The following FBN1 variants were observed in gnomAD, a reference collection of about 807,000 sequenced individuals.
FBN1 encodes fibrillin-1.
A neutral mutation model predicts 365.1 loss-of-function variants in FBN1; 29 were observed. The ratio of observed to expected loss-of-function variants is 0.08; its 90% confidence interval spans 0.06 to 0.11. The LOEUF (loss-of-function observed/expected upper bound fraction) is 0.11. FBN1 is among the 10% of genes least tolerant of loss of function. FBN1 has a pLI of 1.00. For synonymous variants in FBN1, 1,210 were observed against 1,270.5 expected (o/e 0.95, Z 1.01); for missense variants, 2,476 against 3,703.2 (o/e 0.67, Z 8.60).
intron 6 of FBN1, among the ~76,000 whole-genome samples, chr15:48,539,769 C>T (rs2044043091): frequency 6.6e-6 from 1 of 152,042 alleles, no homozygotes; most frequent in Admixed American, 6.6e-5. Flanking sequence ...GCCCTGTCTC[C>T]TGACACTTTC....
In FBN1 at chr15:48,468,960, C is replaced by T. The variant is rs1026183549; in HGVS notation, c.4460-426G>A. On this transcript the variant is annotated intron_variant, in intron 36 of 65. Coordinates refer to ENST00000316623, the MANE Select transcript of FBN1 (RefSeq NM_000138.5). ...GTGGGTGCCTGTAGTCCCAGCTACT[C>T]GGGAGGCTGAGGCAGGAGAATGGCA... is the stretch of plus-strand genomic sequence containing the variant. 4.6e-5 allele frequency among the ~76,000 whole-genome samples: 7 copies of T among 150,822 alleles called. No individual in the cohort carries two copies. The East Asian group carries it at 9.8e-4, about 21-fold the overall frequency.
Position 48,534,192 on chromosome 15 carries a change from G to A in FBN1, c.750C>T (p.Cys250=). 1 of 1,612,530 alleles carries A rather than the reference G, an allele frequency of 6.2e-7. No individual in the cohort carries two copies. The highest frequency in any genetic ancestry group is 1.1e-5 in the South Asian group (1 of 91,014). The stretch of plus-strand genomic sequence containing the variant: ...CCTGACAGAGCCCGGGGATGGCCTG[G>A]CATTCATCCACATCTGTCAGATTAC... The part of the protein sequence containing the change: ...RTGACQDVDE[C]QAIPGLCQGG... Residue 250 remains cysteine, a synonymous_variant, in exon 8 of 66, where the codon TGC becomes TGT. Coordinates refer to ENST00000316623, the MANE Select transcript of FBN1 (RefSeq NM_000138.5).
chr15:48,531,600 T>G (rs999135669), intron 8 of FBN1, among the ~76,000 whole-genome samples: 1 of 152,190 alleles, frequency 6.6e-6, no homozygotes, highest in Non-Finnish European at 1.5e-5. Flanking sequence ...ATTCAGTGAT[T>G]ACGGGCCAGA....
intron 44 of FBN1, among the ~76,000 whole-genome samples, chr15:48,454,168 C>T (rs537096999): frequency 6.6e-6 from 1 of 152,320 alleles, no homozygotes; most frequent in South Asian, 2.1e-4. Context: ...TCTGACTTGG[C>T]ATGTCTGGAA....
Position 48,621,475 on chromosome 15 carries a change from G to T in FBN1, c.165-8383C>A, listed in dbSNP as rs192840305. ...AAAAACATCAAATAATTCCACTAAG[G>T]GCCATTCTACAAAATATCTGACCAG... On this transcript the variant is annotated intron_variant, in intron 2 of 65. Coordinates refer to ENST00000316623, the MANE Select transcript of FBN1 (RefSeq NM_000138.5). Among the ~76,000 whole-genome samples, 50 of 152,050 alleles carry T rather than the reference G, an allele frequency of 3.3e-4. No individual in the cohort carries two copies. In the South Asian group the frequency reaches 4.8e-3, roughly 15 times the overall value.
intron 7 of FBN1, among the ~76,000 whole-genome samples, chr15:48,536,328 A>G (rs1185124000): frequency 6.6e-6 from 1 of 152,320 alleles, no homozygotes; most frequent in East Asian, 1.9e-4. Context: ...AGCTAAAGAG[A>G]AGGCAGTTCA....
intron 6 of FBN1, among the ~76,000 whole-genome samples, chr15:48,541,674 AT>A (rs1318342406): frequency 6.6e-6 from 1 of 151,484 alleles, no homozygotes; most frequent in Non-Finnish European, 1.5e-5. Context: ...TAATCCAATT[AT>A]TTACAATTAT....
rs1255311177 is a variant in FBN1, at chr15:48,516,472, C to T, written c.1148-110G>A. 1.1e-5 allele frequency: 13 copies of T among 1,171,932 alleles called. No homozygotes were observed. In the African/African-American group the frequency reaches 2.0e-4, roughly 18 times the overall value. 72.6% of individuals were successfully genotyped at this position (1,171,932 alleles called of 1,614,324 possible). A position where few individuals can be genotyped will look rare whatever the true frequency, so the allele number is the denominator to read the frequency against. On this transcript the variant is annotated intron_variant, in intron 10 of 65. Coordinates refer to ENST00000316623, the MANE Select transcript of FBN1 (RefSeq NM_000138.5). ...AAGATATTTTTGAATAAAATTGATC[C>T]TCAAAATTCACAGGTCAACTGGAGA...
intron 11 of FBN1, 135 bp from the exon 12 acceptor site, chr15:48,515,662 C>T (rs1381955322): frequency 1.7e-6 from 2 of 1,158,426 alleles, no homozygotes; most frequent in Admixed American, 1.8e-5. Context: ...CGTCTGGTGA[C>T]AACAGAGCAT....
chr15:48,429,082 A>G lies in FBN1; in HGVS notation c.6872-611T>C, dbSNP rs570696240. Among the ~76,000 whole-genome samples, 7 of 141,262 alleles carry G rather than the reference A, an allele frequency of 5.0e-5. No homozygotes were observed. The East Asian group carries it at 1.4e-3, about 27-fold the overall frequency. 92.7% of individuals were successfully genotyped at this position (141,262 alleles called of 152,430 possible). ...GATAGCATTTTATATACTTAAACAT[A>G]GATGGTAGCATTTTATGCACACTTA... On this transcript the variant is annotated intron_variant, in intron 56 of 65. Coordinates refer to ENST00000316623, the MANE Select transcript of FBN1 (RefSeq NM_000138.5).
intron 25 of FBN1, among the ~76,000 whole-genome samples, chr15:48,488,821 T>C (rs190532266): frequency 1.4e-3 from 206 of 152,340 alleles, no homozygotes; most frequent in Admixed American, 2.3e-3. Context: ...AAACCACTAG[T>C]ATCTATATTT....
At chr15:48,427,836 A>T (rs2042990110) in intron 57 of FBN1, 63 bp from the exon 58 acceptor site, 2 of 1,523,878 alleles carry the variant, frequency 1.3e-6, no homozygotes, top group Non-Finnish European at 1.8e-6. Flanking sequence ...CAAAATATTA[A>T]AAATTTGGTC....
intron 18 of FBN1, among the ~76,000 whole-genome samples, chr15:48,498,579 C>T (rs1458091816): frequency 2.0e-5 from 3 of 152,206 alleles, no homozygotes; most frequent in Non-Finnish European, 4.4e-5. Flanking sequence ...GAGCACTTAA[C>T]AGTTCAGAAT....
At chr15:48,462,373 C>T (rs1221589293) in intron 42 of FBN1, among the ~76,000 whole-genome samples, 2 of 151,550 alleles carry the variant, frequency 1.3e-5, no homozygotes, top group African/African-American at 4.9e-5. Context: ...AGACAAATAA[C>T]ATTATTTAGT....
At chr15:48,605,151 A>G (rs892352444) in intron 4 of FBN1, among the ~76,000 whole-genome samples, 1 of 152,256 alleles carries the variant, frequency 6.6e-6, no homozygotes, top group African/African-American at 2.4e-5. Flanking sequence ...AATATAGACA[A>G]GATTAATCTA....
chr15:48,644,530 G>C lies in FBN1; in HGVS notation c.164+76C>G, dbSNP rs1010757115. On this transcript the variant is annotated intron_variant, in intron 2 of 65. Transcript: ENST00000316623. ...GTCTTGCCAAGGAGTCTTCCACAGG[G>C]AGAGTCATCCTGCCCGTTGTTCTGG... 10 of 1,602,158 alleles carry C rather than the reference G, an allele frequency of 6.2e-6. No homozygotes were observed. In the Middle Eastern group the frequency reaches 5.0e-4, roughly 80 times the overall value.
intron 53 of FBN1, 40 bp from the exon 54 acceptor site, chr15:48,434,753 G>C: frequency 6.2e-7 from 1 of 1,607,980 alleles, no homozygotes; most frequent in Non-Finnish European, 8.5e-7. Context: ...ATGATGAATT[G>C]AGATAATACC....
chr15:48,456,871 TGC>T (rs1555396461), intron 43 of FBN1, 109 bp from the exon 44 acceptor site: 22 of 1,083,578 alleles, frequency 2.0e-5, no homozygotes, highest in Admixed American at 5.3e-5. Flanking sequence ...TGTGTGTGTG[TGC>T]GTGCATGTGT....
intron 2 of FBN1, among the ~76,000 whole-genome samples, chr15:48,629,945 A>G (rs1335179802): frequency 6.6e-6 from 1 of 152,220 alleles, no homozygotes; most frequent in Non-Finnish European, 1.5e-5. Context: ...GACCCCCATT[A>G]AGAGACAACA....
Sources: allele counts gnomAD v4.1 joint callset (sites outside exome capture counted in the v4.1 genomes callset), GRCh38; gene constraint gnomAD v4.1.1; transcripts MANE v1.5; gene names NCBI Gene and HGNC (gene_info 2026-07-23, HGNC 2026-07-21).